SPOCK1: variants seen among roughly 807,000 people sequenced by gnomAD.
The protein encoded by SPOCK1 is testican-1.
A neutral mutation model predicts 55.3 loss-of-function variants in SPOCK1; 23 were observed. The observed-to-expected ratio is 0.42, with a 90% CI of 0.30 to 0.59. The LOEUF is 0.59. SPOCK1 is among the 20% of genes least tolerant of loss of function. The pLI, the probability that SPOCK1 is intolerant of heterozygous loss-of-function variation, is 0.22. For synonymous variants in SPOCK1, 226 were observed against 221.0 expected (o/e 1.02, Z -0.20); for missense variants, 499 against 552.5 (o/e 0.90, Z 0.97).
intron 5 of SPOCK1, among the ~76,000 whole-genome samples, chr5:137,093,579 A>C (rs1172217721): frequency 1.3e-5 from 2 of 152,200 alleles, no homozygotes; most frequent in Admixed American, 6.5e-5. Flanking sequence ...AAGAAAGCAG[A>C]GCAATAGGCC....
intron 6 of SPOCK1, among the ~76,000 whole-genome samples, chr5:137,038,074 T>TGTGGGGGAACATGAA (rs1751919439): frequency 6.6e-6 from 1 of 152,176 alleles, no homozygotes; most frequent in Admixed American, 6.5e-5. Flanking sequence ...CCCGTAAGTC[T>TGTGGGGGAACATGAA]GTTGTGGGGG....
chr5:137,407,119 A>G (rs2127187011), intron 2 of SPOCK1, among the ~76,000 whole-genome samples: 1 of 152,358 alleles, frequency 6.6e-6, no homozygotes, highest in African/African-American at 2.4e-5. Flanking sequence ...GAGCTTAATT[A>G]TATCAGTGAA....
At chr5:137,492,196 C>T (rs560750927) in intron 2 of SPOCK1, among the ~76,000 whole-genome samples, 2 of 152,294 alleles carry the variant, frequency 1.3e-5, no homozygotes, top group South Asian at 2.1e-4. Flanking sequence ...CAGACTTGGA[C>T]ACATAACCCA....
intron 2 of SPOCK1, among the ~76,000 whole-genome samples, chr5:137,316,461 T>A (rs1757882659): frequency 6.6e-6 from 1 of 152,212 alleles, no homozygotes; most frequent in Admixed American, 6.5e-5. Flanking sequence ...TATCATGTGA[T>A]TCAAGGAATT....
chr5:137,330,665 G>A (rs1216236298), intron 2 of SPOCK1, among the ~76,000 whole-genome samples: 1 of 152,216 alleles, frequency 6.6e-6, no homozygotes, highest in Non-Finnish European at 1.5e-5. Context: ...GAGATGAAGA[G>A]ATGAGGCCAT....
chr5:137,270,976 T>A (rs558986516), intron 2 of SPOCK1, among the ~76,000 whole-genome samples: 36 of 151,874 alleles, frequency 2.4e-4, no homozygotes, highest in Non-Finnish European at 4.6e-4. Context: ...CACTCCAGCC[T>A]GGACAAGACG....
intron 6 of SPOCK1, among the ~76,000 whole-genome samples, chr5:137,059,903 A>G (rs190206594): frequency 2.0e-5 from 3 of 152,366 alleles, no homozygotes; most frequent in Admixed American, 2.0e-4. Context: ...ATGAAATAGC[A>G]TCTCACATGA....
chr5:137,241,589 C>T (rs188567575), intron 3 of SPOCK1, among the ~76,000 whole-genome samples: 58 of 152,218 alleles, frequency 3.8e-4, no homozygotes, highest in Admixed American at 5.9e-4. Context: ...CATGAGAGCT[C>T]CACCCTCATG....
chr5:137,283,546 T>C (rs573604284), intron 2 of SPOCK1, among the ~76,000 whole-genome samples: 6 of 152,166 alleles, frequency 3.9e-5, no homozygotes, highest in East Asian at 1.9e-4. Flanking sequence ...AAACCCCATC[T>C]CTACCAAAAA....
At chr5:137,062,957 G>A (rs532116272) in intron 6 of SPOCK1, among the ~76,000 whole-genome samples, 71 of 152,212 alleles carry the variant, frequency 4.7e-4, no homozygotes, top group African/African-American at 1.6e-3. Flanking sequence ...ATTCAGGGCC[G>A]GGCGCGGTGG....
At chr5:137,217,577 A>G (rs1427784283) in intron 3 of SPOCK1, among the ~76,000 whole-genome samples, 4 of 152,252 alleles carry the variant, frequency 2.6e-5, no homozygotes, top group African/African-American at 4.8e-5. Flanking sequence ...AGAGGTTGTC[A>G]TCTACATCCA....
At chr5:137,434,480 CTTTTTTTTTTTT>C (rs146762668) in intron 2 of SPOCK1, among the ~76,000 whole-genome samples, 9 of 68,220 alleles carry the variant, frequency 1.3e-4, no homozygotes, top group South Asian at 1.4e-3. Context: ...TCTTTTTTTT[CTTTTTTTTTTTT>C]TTTTTTTTTT....
chr5:137,206,752 CATTT>C (rs1406837524), intron 3 of SPOCK1, among the ~76,000 whole-genome samples: 13 of 152,176 alleles, frequency 8.5e-5, no homozygotes, highest in Admixed American at 1.3e-4. Flanking sequence ...TCATAGCTGA[CATTT>C]ATTAAGCATT....
In SPOCK1 at chr5:137,238,092, T is replaced by G. The variant is rs570716643; in HGVS notation, c.232+28918A>C. ...GTTCACCTCTTCAAAATAAGCTTTC[T>G]CTTCTATAAGTTGAAATCAATTCCT... On this transcript the variant is annotated intron_variant, in intron 3 of 10. Transcript: ENST00000394945. Among the ~76,000 whole-genome samples, 15 of 152,324 alleles carry G rather than the reference T, an allele frequency of 9.8e-5. No homozygotes were observed. In the South Asian group the frequency reaches 2.9e-3, roughly 29 times the overall value.
chr5:136,985,336 C>T, intron 8 of SPOCK1, 134 bp from the exon 9 acceptor site: 4 of 857,126 alleles, frequency 4.7e-6, no homozygotes, highest in Non-Finnish European at 7.7e-6. Context: ...TGTTACTATG[C>T]AAGAAAACAA....
At chr5:137,326,903 A>G (rs1186251002) in intron 2 of SPOCK1, among the ~76,000 whole-genome samples, 1 of 152,202 alleles carries the variant, frequency 6.6e-6, no homozygotes, top group African/African-American at 2.4e-5. Context: ...GATGTCCTCA[A>G]GTGGTGTGTA....
intron 2 of SPOCK1, among the ~76,000 whole-genome samples, chr5:137,486,821 G>C (rs1424645922): frequency 6.6e-6 from 1 of 152,200 alleles, no homozygotes; most frequent in African/African-American, 2.4e-5. Flanking sequence ...GATAGAATTT[G>C]ACCGTCTTAG....
intron 2 of SPOCK1, among the ~76,000 whole-genome samples, chr5:137,432,516 C>T (rs6870128): frequency 0.34 from 52,205 of 152,032 alleles, 10,351 homozygotes; most frequent in East Asian, 0.64. Flanking sequence ...AAGACAGATG[C>T]TGTTAGGATT....
intron 2 of SPOCK1, among the ~76,000 whole-genome samples, chr5:137,270,581 T>G (rs1756942802): frequency 6.6e-6 from 1 of 152,236 alleles, no homozygotes; most frequent in South Asian, 2.1e-4. Flanking sequence ...AAATGAATAT[T>G]ATTCAACCCT....
Sources: allele counts gnomAD v4.1 joint callset (sites outside exome capture counted in the v4.1 genomes callset), GRCh38; gene constraint gnomAD v4.1.1; transcripts MANE v1.5; gene names NCBI Gene and HGNC (gene_info 2026-07-23, HGNC 2026-07-21).